CHD1: variants seen among roughly 807,000 people sequenced by gnomAD.
CHD1 encodes the protein ATP-dependent chromatin remodeler CHD1.
A neutral mutation model predicts 224.2 loss-of-function variants in CHD1; 36 were observed. The observed-to-expected ratio is 0.16, with a 90% CI of 0.12 to 0.21. CHD1 has a LOEUF of 0.21. Ranked by LOEUF, CHD1 falls within the 10% of genes least tolerant of loss-of-function variation. The pLI is 1.00. For synonymous variants in CHD1, 668 were observed against 658.3 expected, an observed-to-expected ratio of 1.01 and a Z score of -0.23; for missense variants, 1,378 against 1,994.8, an observed-to-expected ratio of 0.69 and a Z score of 5.89.
chr5:98,868,777 T>C (rs1355242606), intron 30 of CHD1, 142 bp from the exon 31 acceptor site: 9 of 873,120 alleles, frequency 1.0e-5, no homozygotes, highest in South Asian at 2.2e-5. Context: ...CTATTTTAAT[T>C]TGTTTTTTTC....
chr5:98,860,528 G>A (rs1329162836), intron 32 of CHD1: 2 of 213,042 alleles, frequency 9.4e-6, no homozygotes, highest in Non-Finnish European at 1.9e-5. Flanking sequence ...TAATGGTAAT[G>A]TAATGGTCCC....
intron 28 of CHD1, among the ~76,000 whole-genome samples, chr5:98,871,354 G>A (rs1398631916): frequency 1.4e-5 from 1 of 72,618 alleles, no homozygotes; most frequent in Non-Finnish European, 2.4e-5. Context: ...TTCTCCCAGT[G>A]TTTCCCATTT....
intron 2 of CHD1, among the ~76,000 whole-genome samples, chr5:98,905,524 TAAAA>T (rs11317778): frequency 6.6e-6 from 1 of 151,976 alleles, no homozygotes; most frequent in Non-Finnish European, 1.5e-5. Flanking sequence ...TTAAATGTGT[TAAAA>T]AAAATTCTTA....
intron 2 of CHD1, among the ~76,000 whole-genome samples, chr5:98,925,288 AG>A: frequency 6.6e-6 from 1 of 152,272 alleles, no homozygotes; most frequent in South Asian, 2.1e-4. Context: ...TTACAGACAA[AG>A]TCTCACTATG....
At chr5:98,875,207 T>C (rs1395130318) in intron 24 of CHD1, 94 bp from the exon 25 acceptor site, 3 of 727,742 alleles carry the variant, frequency 4.1e-6, no homozygotes, top group Non-Finnish European at 6.9e-6. Flanking sequence ...AAATACTTGT[T>C]AGTATAAAAA....
At chr5:98,877,792 T>C (rs905717520) in intron 23 of CHD1, among the ~76,000 whole-genome samples, 1 of 152,110 alleles carries the variant, frequency 6.6e-6, no homozygotes, top group Non-Finnish European at 1.5e-5. Flanking sequence ...AGAAATAACA[T>C]GCATGGTTAC....
intron 22 of CHD1, among the ~76,000 whole-genome samples, chr5:98,880,674 T>G (rs1426772622): frequency 6.6e-6 from 1 of 152,262 alleles, no homozygotes; most frequent in East Asian, 1.9e-4. Flanking sequence ...TTGCTTACTT[T>G]GACTGATTTA....
intron 22 of CHD1, among the ~76,000 whole-genome samples, chr5:98,880,237 C>T (rs1420087162): frequency 1.3e-5 from 2 of 152,158 alleles, no homozygotes; most frequent in African/African-American, 4.8e-5. Context: ...AGAAAGCACC[C>T]ATTAAGGCTA....
intron 13 of CHD1, among the ~76,000 whole-genome samples, chr5:98,894,033 C>T (rs554701748): frequency 6.6e-6 from 1 of 152,296 alleles, no homozygotes; most frequent in South Asian, 2.1e-4. Flanking sequence ...CTGTAGAACT[C>T]TCTTAAACTT....
intron 30 of CHD1, chr5:98,869,334 T>G (rs1303264113): frequency 4.5e-6 from 4 of 881,070 alleles, no homozygotes; most frequent in African/African-American, 1.8e-5. Context: ...AACGACTAAT[T>G]TTTCTTCATA....
chr5:98,867,165 T>C (rs1054486726), intron 31 of CHD1, among the ~76,000 whole-genome samples: 12 of 152,216 alleles, frequency 7.9e-5, no homozygotes, highest in Middle Eastern at 6.8e-3. Flanking sequence ...AATACATACA[T>C]TGAGTAAATT....
chr5:98,883,386 T>C (rs325199), intron 18 of CHD1, 149 bp from the exon 19 acceptor site: 73,370 of 471,652 alleles, frequency 0.16, 6,957 homozygotes, highest in Middle Eastern at 0.27. Context: ...AAATCAAATA[T>C]ATATGTTATT....
intron 2 of CHD1, among the ~76,000 whole-genome samples, chr5:98,914,811 TA>T (rs1752635941): frequency 1.3e-5 from 2 of 152,238 alleles, no homozygotes; most frequent in South Asian, 4.1e-4. Context: ...ATCATTGCCC[TA>T]GCTCATGTTC....
rs1266761183 is a variant in CHD1 at position 98,917,311 on chromosome 5, AC to A, written c.53+9022del. Among the ~76,000 whole-genome samples the A allele has an allele frequency of 1.9e-4, 28 of 151,254 alleles. 1 individual carries two copies. Among genetic ancestry groups the A allele is most frequent in the Admixed American group, 1.1e-3 (17 of 15,216 alleles). On this transcript the variant is annotated intron_variant, in intron 2 of 35. Coordinates refer to ENST00000614616, the MANE Select transcript of CHD1 (RefSeq NM_001270.4). ...AAAAACAAAGAAACAAAAAAAAAAA[AC>A]AACCTCTTAATTAATATTGGGCTTG...
chr5:98,865,999 T>C (rs904907201), intron 31 of CHD1, among the ~76,000 whole-genome samples: 3 of 152,172 alleles, frequency 2.0e-5, no homozygotes, highest in Admixed American at 6.5e-5. Context: ...AATTCATTAG[T>C]AGACCACATA....
At position 98,854,906 on chromosome 5, in the gene CHD1, G is replaced by A. The variant is rs1747907704; in HGVS notation, c.*1474C>T. The stretch of plus-strand genomic sequence containing the variant: ...CCACATGACTTAAAAACTTCCCGCT[G>A]AATATAAAACAAAATAAAAATCTGT... On this transcript the variant is annotated 3_prime_UTR_variant, in exon 36 of 36. Coordinates refer to ENST00000614616, the MANE Select transcript of CHD1 (RefSeq NM_001270.4). The A allele has an allele frequency of 6.6e-6, 1 of 151,992 alleles. No homozygotes were observed. The highest frequency in any genetic ancestry group is 2.4e-5 in the African/African-American group (1 of 41,372). The allele number at this position is 151,992 out of a possible 1,614,324, so 9.4% of individuals were successfully genotyped here.
chr5:98,880,242 A>G (rs1750072365), intron 22 of CHD1, among the ~76,000 whole-genome samples: 1 of 152,202 alleles, frequency 6.6e-6, no homozygotes, highest in South Asian at 2.1e-4. Flanking sequence ...GCACCCATTA[A>G]GGCTAACTAT....
chr5:98,923,615 T>C (rs1016403893), intron 2 of CHD1, among the ~76,000 whole-genome samples: 2 of 152,032 alleles, frequency 1.3e-5, no homozygotes, highest in African/African-American at 4.8e-5. Context: ...GATTTCTCCA[T>C]GTTGGTCAAG....
At chr5:98,891,694 C>T (rs940590176) in intron 15 of CHD1, among the ~76,000 whole-genome samples, 4 of 152,086 alleles carry the variant, frequency 2.6e-5, no homozygotes, top group Non-Finnish European at 5.9e-5. Context: ...ACCTGTAAAC[C>T]CAGCTACTTG....
Sources: gnomAD v4.1 joint callset for allele counts (sites outside exome capture counted in the v4.1 genomes callset) on GRCh38, gnomAD v4.1.1 for gene constraint, MANE v1.5 for transcripts, NCBI Gene and HGNC (gene_info 2026-07-23, HGNC 2026-07-21) for gene names.